The following CRPPA variants were observed in gnomAD, a reference collection of about 807,000 sequenced individuals.
CRPPA encodes the protein D-ribitol-5-phosphate cytidylyltransferase.
In CRPPA, 43 loss-of-function variants were observed where a neutral mutation model predicts 52.0. The observed-to-expected ratio is 0.83, with a 90% CI of 0.65 to 1.07. The LOEUF (loss-of-function observed/expected upper bound fraction) is 1.07. Among genes scored for constraint, CRPPA ranks in the 50% least tolerant of loss-of-function variants. The probability of loss-of-function intolerance (pLI) is 0.00; values close to 1 mark genes in which losing one functional copy is unlikely to be tolerated. For synonymous variants in CRPPA, 250 were observed against 203.5 expected (o/e 1.23, Z -1.94); for missense variants, 629 against 551.7 (o/e 1.14, Z -1.40).
chr7:16,204,626 C>CA (rs1383350274), intron 9 of CRPPA, among the ~76,000 whole-genome samples: 6 of 151,516 alleles, frequency 4.0e-5, no homozygotes, highest in Admixed American at 6.6e-5. Context: ...ATTTATACAA[C>CA]AAAAAAAACA....
intron 9 of CRPPA, among the ~76,000 whole-genome samples, chr7:16,193,654 A>ATTAAAT (rs2128391177): frequency 6.6e-6 from 1 of 152,138 alleles, no homozygotes; most frequent in Admixed American, 6.6e-5. Flanking sequence ...TATAAAAGGG[A>ATTAAAT]TTAAATGTCA....
intron 5 of CRPPA, among the ~76,000 whole-genome samples, chr7:16,298,684 C>A (rs1784723276): frequency 6.6e-6 from 1 of 152,092 alleles, no homozygotes; most frequent in Non-Finnish European, 1.5e-5. Flanking sequence ...GCTAAGGGAT[C>A]CCCAATTAGC....
intron 2 of CRPPA, among the ~76,000 whole-genome samples, chr7:16,382,505 A>C (rs559954250): frequency 8.6e-5 from 13 of 152,028 alleles, no homozygotes; most frequent in African/African-American, 3.1e-4. Context: ...TCTTTGTGGC[A>C]TTCTCTGTAT....
At chr7:16,211,809 G>T (rs1782151906) in intron 9 of CRPPA, among the ~76,000 whole-genome samples, 2 of 152,114 alleles carry the variant, frequency 1.3e-5, no homozygotes, top group Admixed American at 1.3e-4. Context: ...ATTACAAGGA[G>T]TTTCACAATC....
At chr7:16,243,937 T>A (rs2128407395) in intron 8 of CRPPA, among the ~76,000 whole-genome samples, 1 of 152,296 alleles carries the variant, frequency 6.6e-6, no homozygotes, top group African/African-American at 2.4e-5. Flanking sequence ...ATACTCCAGC[T>A]TAGACAATAG....
intron 8 of CRPPA, among the ~76,000 whole-genome samples, chr7:16,248,773 G>A (rs1327092380): frequency 6.6e-6 from 1 of 152,158 alleles, no homozygotes; most frequent in Non-Finnish European, 1.5e-5. Flanking sequence ...GCCTCACCTG[G>A]GAAGTGCAAG....
chr7:16,118,585 A>C (rs1375366328), intron 9 of CRPPA, among the ~76,000 whole-genome samples: 1 of 152,306 alleles, frequency 6.6e-6, no homozygotes, highest in East Asian at 1.9e-4. Flanking sequence ...CAAGTGAGAT[A>C]ATCTGTGAAT....
chr7:16,399,462 C>T (rs970717935), intron 2 of CRPPA, among the ~76,000 whole-genome samples: 2 of 151,686 alleles, frequency 1.3e-5, no homozygotes, highest in Non-Finnish European at 2.9e-5. Context: ...GTGACTGATA[C>T]GAGATTGACA....
chr7:16,151,012 A>C (rs920589477), intron 9 of CRPPA, among the ~76,000 whole-genome samples: 1 of 152,254 alleles, frequency 6.6e-6, no homozygotes, highest in South Asian at 2.1e-4. Context: ...TAAGTTCCCA[A>C]CATAGGTTTT....
intron 9 of CRPPA, among the ~76,000 whole-genome samples, chr7:16,138,426 C>T (rs977402354): frequency 3.9e-5 from 6 of 152,056 alleles, no homozygotes; most frequent in Admixed American, 6.6e-5. Flanking sequence ...AAACTGTATA[C>T]CAAGAATATT....
chr7:16,132,001 G>C (rs1358535750), intron 9 of CRPPA, among the ~76,000 whole-genome samples: 1 of 152,170 alleles, frequency 6.6e-6, no homozygotes, highest in Admixed American at 6.5e-5. Flanking sequence ...AGGGGAAGAG[G>C]TACTGCAAAC....
At chr7:16,296,714 CAATT>C (rs1784682589) in intron 5 of CRPPA, among the ~76,000 whole-genome samples, 2 of 151,870 alleles carry the variant, frequency 1.3e-5, no homozygotes, top group African/African-American at 4.8e-5. Flanking sequence ...AGAAAAAAAA[CAATT>C]AAACAGTACC....
At chr7:16,334,508 G>T (rs189559736) in intron 3 of CRPPA, among the ~76,000 whole-genome samples, 1 of 152,236 alleles carries the variant, frequency 6.6e-6, no homozygotes, top group East Asian at 1.9e-4. Flanking sequence ...CATAGCCTCT[G>T]GTCCTGCCCA....
In CRPPA at chr7:16,158,213, A is replaced by C. The variant is rs543357876; in HGVS notation, c.1251+57853T>G. Among the ~76,000 whole-genome samples the C allele has an allele frequency of 1.7e-3, 261 of 152,182 alleles. 1 individual carries two copies. Among genetic ancestry groups the C allele is most frequent in the Non-Finnish European group, 3.1e-3 (214 of 68,000 alleles). ...GTAGATATTTCTGTTCATTCTTTAC[A>C]TCCCAGAGTAGGAATCACCTATATT... On this transcript the variant is annotated intron_variant, in intron 9 of 9. Transcript: ENST00000407010.
intron 3 of CRPPA, among the ~76,000 whole-genome samples, chr7:16,330,477 G>A (rs1197080312): frequency 1.3e-5 from 2 of 152,154 alleles, no homozygotes; most frequent in East Asian, 1.9e-4. Flanking sequence ...AGAAAAACAG[G>A]CAGATTCAGA....
intron 3 of CRPPA, among the ~76,000 whole-genome samples, chr7:16,350,948 T>C (rs1786135220): frequency 6.6e-6 from 1 of 152,096 alleles, no homozygotes. Flanking sequence ...CAAGAATAGC[T>C]GTACTATTTT....
rs150801290 is a variant in CRPPA, at chr7:16,190,678, C to T, written c.1251+25388G>A. Among the ~76,000 whole-genome samples, 2,518 of 152,038 alleles carry T rather than the reference C, an allele frequency of 0.017. 229 individuals are homozygous for T. The East Asian group carries it at 0.29, about 18-fold the overall frequency. ...TGGTATTTGGTTACATGAGTAAGTTCTTTAGCGGTGATTTCTGAGATTTTA... is the reference window on the plus strand; with the variant it reads ...TGGTATTTGGTTACATGAGTAAGTTTTTTAGCGGTGATTTCTGAGATTTTA... On this transcript the variant is annotated intron_variant, in intron 9 of 9. Coordinates refer to ENST00000407010, the MANE Select transcript of CRPPA (RefSeq NM_001101426.4).
At chr7:16,373,414 A>G (rs1305666420) in intron 3 of CRPPA, among the ~76,000 whole-genome samples, 1 of 152,256 alleles carries the variant, frequency 6.6e-6, no homozygotes, top group Non-Finnish European at 1.5e-5. Flanking sequence ...TTTTATGATC[A>G]TTCGTTTGAA....
chr7:16,353,784 A>G (rs1786221383), intron 3 of CRPPA, among the ~76,000 whole-genome samples: 1 of 152,108 alleles, frequency 6.6e-6, no homozygotes, highest in African/African-American at 2.4e-5. Context: ...CGGGAGGCAC[A>G]GGTTGCAGTG....
Sources: allele counts gnomAD v4.1 joint callset (sites outside exome capture counted in the v4.1 genomes callset), GRCh38; gene constraint gnomAD v4.1.1; transcripts MANE v1.5; gene names NCBI Gene and HGNC (gene_info 2026-07-23, HGNC 2026-07-21).